SLC12A7: variants seen among roughly 807,000 people sequenced by gnomAD.
The protein encoded by SLC12A7 is solute carrier family 12 member 7.
SLC12A7 carries 100 observed loss-of-function variants against 120.6 expected under a neutral mutation model. That is an observed-to-expected ratio of 0.83 (90% CI 0.71 to 0.98). The LOEUF (loss-of-function observed/expected upper bound fraction) is 0.98, where lower values mean the gene tolerates loss of function less well. Ranked by LOEUF, SLC12A7 falls within the 50% of genes least tolerant of loss-of-function variation. The pLI, the probability that SLC12A7 is intolerant of heterozygous loss-of-function variation, is 0.00. For synonymous variants in SLC12A7, 760 were observed against 678.0 expected, an observed-to-expected ratio of 1.12 and a Z score of -1.88; for missense variants, 1,373 against 1,548.1, an observed-to-expected ratio of 0.89 and a Z score of 1.90.
Position 1,085,355 on chromosome 5 carries a change from ACCAGGGCCATGAGCACGAGCGTGCACGTG to A in SLC12A7, c.765_793del (p.Thr256GlyfsTer88). 1.9e-6 allele frequency: 3 copies of A among 1,612,528 alleles called. No homozygotes were observed. The highest frequency in any genetic ancestry group is 2.5e-6 in the Non-Finnish European group (3 of 1,179,834). ...GACATACTTGACGCCCACGAAGACC[ACCAGGGCCATGAGCACGAGCGTGCACGTG>A]CCGTACACACGCATGTTGTGCAGCA... On this transcript the variant is annotated frameshift_variant, in exon 7 of 24. Coordinates refer to ENST00000264930, the MANE Select transcript of SLC12A7 (RefSeq NM_006598.3). LOFTEE classifies it high-confidence loss of function.
chr5:1,109,429 C>T (rs1408150977), intron 1 of SLC12A7, among the ~76,000 whole-genome samples: 1 of 152,206 alleles, frequency 6.6e-6, no homozygotes, highest in Non-Finnish European at 1.5e-5. Flanking sequence ...AGGGTTAACA[C>T]GTCCTTCTCA....
chr5:1,085,725 G>C (rs1480760808), intron 6 of SLC12A7, among the ~76,000 whole-genome samples: 1 of 152,210 alleles, frequency 6.6e-6, no homozygotes, highest in Non-Finnish European at 1.5e-5. Context: ...AGCCCGCGGG[G>C]GTCAGCGCAC....
In SLC12A7 at chr5:1,093,668, G is replaced by A. The variant is rs1308772157; in HGVS notation, c.220-13C>T. 6.2e-7 allele frequency: 1 copy of A among 1,612,392 alleles called. No individual in the cohort carries two copies. Among genetic ancestry groups the A allele is most frequent in the Non-Finnish European group, 8.5e-7 (1 of 1,179,510 alleles). The stretch of plus-strand genomic sequence containing the variant: ...TGTCCATCTCCTCCTGCGCGGCGTG[G>A]ACATGGTCACAGGCGGCCCGCACCT... On this transcript the variant is annotated splice_polypyrimidine_tract_variant and intron_variant, in intron 2 of 23. Coordinates refer to ENST00000264930, the MANE Select transcript of SLC12A7 (RefSeq NM_006598.3).
the SLC12A7 span, among the ~76,000 whole-genome samples, chr5:1,155,333 T>C: frequency 6.6e-6 from 1 of 152,076 alleles, no homozygotes; most frequent in Non-Finnish European, 1.5e-5. Flanking sequence ...GCCCCTTTTC[T>C]GCCTGGTCCC....
chr5:1,122,888 G>A, the SLC12A7 span, among the ~76,000 whole-genome samples: 1 of 152,276 alleles, frequency 6.6e-6, no homozygotes, highest in Non-Finnish European at 1.5e-5. Context: ...ATGTATCTAA[G>A]TAAAAATGAA....
the SLC12A7 span, among the ~76,000 whole-genome samples, chr5:1,119,545 C>G: frequency 2.6e-5 from 4 of 152,254 alleles, no homozygotes; most frequent in Non-Finnish European, 5.9e-5. Flanking sequence ...GCCGGCTCGC[C>G]GCCCATGGTG....
chr5:1,105,574 C>T (rs1561111673), intron 1 of SLC12A7, among the ~76,000 whole-genome samples: 1 of 152,234 alleles, frequency 6.6e-6, no homozygotes, highest in Non-Finnish European at 1.5e-5. Context: ...CCAGGCAGCT[C>T]ATCGTTCAGG....
chr5:1,094,321 C>A (rs1740867617), intron 1 of SLC12A7, 73 bp from the exon 2 acceptor site: 2 of 1,110,186 alleles, frequency 1.8e-6, no homozygotes, highest in East Asian at 4.7e-5. Flanking sequence ...AACTACAGAT[C>A]TTGCACGGAG....
chr5:1,057,584 C>T lies in SLC12A7; in HGVS notation c.2913G>A (p.Pro971=), dbSNP rs147609891. ...TCATCTGCACCTTGTCTGGCGTAGGCGGCGCTTGGGTCCTGGCTGCCGCCG... is the reference window on the plus strand; with the variant it reads ...TCATCTGCACCTTGTCTGGCGTAGGTGGCGCTTGGGTCCTGGCTGCCGCCG... ...HTAAAARTQA[P]PTPDKVQMTW... Residue 971 remains proline (P), a synonymous_variant, in exon 22 of 24, where the codon CCG becomes CCA. Transcript: ENST00000264930. The T allele has an allele frequency of 8.0e-5, 129 of 1,611,338 alleles. No homozygotes were observed. The highest frequency in any genetic ancestry group is 3.3e-4 in the Middle Eastern group (2 of 6,080).
At chr5:1,119,215 C>T in the SLC12A7 span, among the ~76,000 whole-genome samples, 1 of 152,206 alleles carries the variant, frequency 6.6e-6, no homozygotes, top group Admixed American at 6.5e-5. Context: ...GAAGCACCTG[C>T]ACAACCTCCC....
At chr5:1,127,027 T>A in the SLC12A7 span, among the ~76,000 whole-genome samples, 1 of 152,146 alleles carries the variant, frequency 6.6e-6, no homozygotes, top group African/African-American at 2.4e-5. Context: ...TGATGTCTTT[T>A]TTTTTTTAGA....
At chr5:1,075,102 G>A (rs1289151314) in intron 15 of SLC12A7, among the ~76,000 whole-genome samples, 2 of 152,204 alleles carry the variant, frequency 1.3e-5, no homozygotes, top group Non-Finnish European at 2.9e-5. Flanking sequence ...AGTCAGCCGT[G>A]GGCTCACCGC....
At chr5:1,113,878 G>A (rs746222528), upstream of SLC12A7, among the ~76,000 whole-genome samples, 19 of 152,202 alleles carry the variant, frequency 1.2e-4, no homozygotes, top group African/African-American at 4.1e-4. Context: ...GCCACCCAGC[G>A]CTATTCCCGA....
chr5:1,118,572 G>A, the SLC12A7 span, among the ~76,000 whole-genome samples: 5 of 152,246 alleles, frequency 3.3e-5, no homozygotes, highest in Admixed American at 6.5e-5. Flanking sequence ...CGCCAAAGCC[G>A]TCCTTGGGCG....
chr5:1,093,663 G>A lies in SLC12A7; in HGVS notation c.220-8C>T, dbSNP rs374557196. 1.5e-5 allele frequency: 24 copies of A among 1,612,638 alleles called. No homozygotes were observed. Among genetic ancestry groups the A allele is most frequent in the Non-Finnish European group, 1.9e-5 (23 of 1,179,648 alleles). ...GTTACTGTCCATCTCCTCCTGCGCGGCGTGGACATGGTCACAGGCGGCCCG... is the reference window on the plus strand; with the variant it reads ...GTTACTGTCCATCTCCTCCTGCGCGACGTGGACATGGTCACAGGCGGCCCG... On this transcript the variant is annotated splice_polypyrimidine_tract_variant and splice_region_variant and intron_variant, in intron 2 of 23. Coordinates refer to ENST00000264930, the MANE Select transcript of SLC12A7 (RefSeq NM_006598.3).
chr5:1,081,861 T>C, intron 8 of SLC12A7, 117 bp from the exon 9 acceptor site: 3 of 1,217,662 alleles, frequency 2.5e-6, no homozygotes, highest in Non-Finnish European at 3.4e-6. Flanking sequence ...GGTCACAGCT[T>C]GTGCGCCGCA....
chr5:1,064,040 G>A, intron 19 of SLC12A7, 43 bp downstream of exon 19: 1 of 1,601,434 alleles, frequency 6.2e-7, no homozygotes, highest in Non-Finnish European at 8.5e-7. Flanking sequence ...CAGCACGTGG[G>A]GTGGCCGTGC....
In SLC12A7 at chr5:1,085,449, T is replaced by C. The variant is rs773638248; in HGVS notation, c.700A>G (p.Ile234Val). Residue 234 changes from isoleucine to valine, a missense_variant, in exon 7 of 24, where the codon ATC becomes GTC. Ile to Val is a conservative substitution (Grantham distance 29). Transcript: ENST00000264930. ...FLTYISPGAA[I>V]FQAEAAGGEA... Reference sequence around the variant, plus strand: ...CCACCTGCAGCCTCCGCCTGGAAGATGGCCGCACCCGGGGAGATGTACGTC... The same window carrying C: ...CCACCTGCAGCCTCCGCCTGGAAGACGGCCGCACCCGGGGAGATGTACGTC... 5 of 1,608,792 alleles carry C rather than the reference T, an allele frequency of 3.1e-6. No homozygotes were observed. The African/African-American group carries it at 4.0e-5, about 13-fold the overall frequency.
At chr5:1,129,910 A>G in the SLC12A7 span, among the ~76,000 whole-genome samples, 1 of 152,056 alleles carries the variant, frequency 6.6e-6, no homozygotes, top group Non-Finnish European at 1.5e-5. Flanking sequence ...CCTGGGCGTG[A>G]AGCCATCACC....
Sources: allele counts gnomAD v4.1 joint callset (sites outside exome capture counted in the v4.1 genomes callset), GRCh38; gene constraint gnomAD v4.1.1; transcripts MANE v1.5; gene names NCBI Gene and HGNC (gene_info 2026-07-23, HGNC 2026-07-21).